The following SLC25A13 variants were observed in gnomAD, a reference collection of about 807,000 sequenced individuals.
SLC25A13 encodes the protein solute carrier family 25 member 13, also known as electrogenic aspartate/glutamate antiporter SLC25A13, mitochondrial.
A neutral mutation model predicts 85.5 loss-of-function variants in SLC25A13; 70 were observed. The ratio of observed to expected loss-of-function variants is 0.82; its 90% confidence interval spans 0.68 to 1.00. The LOEUF (loss-of-function observed/expected upper bound fraction) is 1.00. Ranked by LOEUF, SLC25A13 falls within the 50% of genes least tolerant of loss-of-function variation. The pLI is 0.00. For missense variants in SLC25A13, 765 were observed against 819.8 expected (o/e 0.93, Z 0.82); for synonymous variants, 259 against 288.7 (o/e 0.90, Z 1.04).
intron 1 of SLC25A13, among the ~76,000 whole-genome samples, chr7:96,307,658 C>T (rs902897232): frequency 6.6e-6 from 1 of 152,014 alleles, no homozygotes; most frequent in African/African-American, 2.4e-5. Context: ...ATGATTACTA[C>T]TGGCTAGATA....
intron 4 of SLC25A13, among the ~76,000 whole-genome samples, chr7:96,230,024 C>T (rs1796478584): frequency 6.6e-6 from 1 of 152,036 alleles, no homozygotes; most frequent in African/African-American, 2.4e-5. Context: ...CTATACACAC[C>T]AAAAAATATG....
In SLC25A13 at chr7:96,121,147, T is replaced by C. The variant is rs1791481993; in HGVS notation, c.*44A>G. On this transcript the variant is annotated 3_prime_UTR_variant, in exon 18 of 18. Transcript: ENST00000265631. ...CATTCCCAGGAGGGATGTTCTTTACTGCAGTACCCACAAAAAGACAGCACT... is the reference window on the plus strand; with the variant it reads ...CATTCCCAGGAGGGATGTTCTTTACCGCAGTACCCACAAAAAGACAGCACT... 1 of 1,596,640 alleles carries C rather than the reference T, an allele frequency of 6.3e-7. No individual in the cohort carries two copies. Among genetic ancestry groups the C allele is most frequent in the South Asian group, 1.1e-5 (1 of 90,706 alleles).
chr7:96,155,095 A>G (rs3823952), intron 13 of SLC25A13, among the ~76,000 whole-genome samples: 74,888 of 151,978 alleles, frequency 0.49, 19,668 homozygotes, highest in African/African-American at 0.69. Flanking sequence ...CCACTGTACC[A>G]GGCCCAGCTT....
intron 5 of SLC25A13, among the ~76,000 whole-genome samples, chr7:96,195,075 C>A (rs768246194): frequency 6.6e-6 from 1 of 152,154 alleles, no homozygotes; most frequent in Non-Finnish European, 1.5e-5. Context: ...TTCTTAAAAG[C>A]TAAGGCTTAA....
chr7:96,138,912 C>T lies in SLC25A13; in HGVS notation c.1453-7031G>A, dbSNP rs1584359453. ...TTTCAAGCCATCTCCTTTTAATTTGCTATTCTAAAGTTCAAAGCAGAAGAC... is the reference window on the plus strand; with the variant it reads ...TTTCAAGCCATCTCCTTTTAATTTGTTATTCTAAAGTTCAAAGCAGAAGAC... On this transcript the variant is annotated intron_variant, in intron 14 of 17. Coordinates refer to ENST00000265631, the MANE Select transcript of SLC25A13 (RefSeq NM_014251.3). Among the ~76,000 whole-genome samples the T allele has an allele frequency of 3.3e-5, 5 of 152,226 alleles. No homozygotes were observed. In the South Asian group the frequency reaches 1.0e-3, roughly 32 times the overall value.
chr7:96,205,236 C>G (rs1795415389), intron 5 of SLC25A13, among the ~76,000 whole-genome samples: 2 of 152,220 alleles, frequency 1.3e-5, no homozygotes, highest in South Asian at 4.2e-4. Flanking sequence ...ATTACAGTTC[C>G]ATCAGATTAG....
chr7:96,178,684 T>C (rs1056011748), intron 11 of SLC25A13, among the ~76,000 whole-genome samples: 1 of 152,158 alleles, frequency 6.6e-6, no homozygotes, highest in Non-Finnish European at 1.5e-5. Flanking sequence ...ATTCTGCAGC[T>C]ATCAGCACTT....
chr7:96,226,682 A>AG (rs1796339658), intron 4 of SLC25A13, among the ~76,000 whole-genome samples: 1 of 152,148 alleles, frequency 6.6e-6, no homozygotes, highest in Non-Finnish European at 1.5e-5. Context: ...AGAAAGAAAA[A>AG]GAAAACTATG....
intron 5 of SLC25A13, among the ~76,000 whole-genome samples, chr7:96,206,187 G>C (rs1795456123): frequency 6.6e-6 from 1 of 152,170 alleles, no homozygotes; most frequent in African/African-American, 2.4e-5. Context: ...GTAGCAGCAT[G>C]CACAGTGGCA....
Position 96,146,665 on chromosome 7 carries a change from G to T in SLC25A13, c.1343C>A (p.Pro448His). Residue 448 changes from proline to histidine, a missense_variant, in exon 14 of 18, where the codon CCT (proline) becomes CAT (histidine). Pro to His is a moderately conservative substitution (Grantham distance 77). Coordinates refer to ENST00000265631, the MANE Select transcript of SLC25A13 (RefSeq NM_014251.3). ...CAAACGGATCTTGACGATTTCTAAA[G>T]GATTTGTGAAAATCACCTGGGAGCC... ...AGGSQVIFTN[P>H]LEIVKIRLQV... The T allele has an allele frequency of 1.2e-6, 2 of 1,614,000 alleles. No homozygotes were observed. Among genetic ancestry groups the T allele is most frequent in the Non-Finnish European group, 1.7e-6 (2 of 1,179,992 alleles).
intron 2 of SLC25A13, among the ~76,000 whole-genome samples, chr7:96,294,300 G>A: frequency 6.6e-6 from 1 of 151,872 alleles, no homozygotes; most frequent in Non-Finnish European, 1.5e-5. Context: ...GGAGGAGGGA[G>A]GGATAGCATT....
intron 2 of SLC25A13, 49 bp from the exon 3 acceptor site, chr7:96,277,387 G>A (rs1456950121): frequency 2.6e-6 from 4 of 1,531,692 alleles, no homozygotes; most frequent in Non-Finnish European, 3.6e-6. Flanking sequence ...ATTTTCAACA[G>A]TATATAATCA....
intron 9 of SLC25A13, among the ~76,000 whole-genome samples, chr7:96,187,904 C>T (rs1285653349): frequency 1.3e-5 from 2 of 152,166 alleles, no homozygotes; most frequent in Non-Finnish European, 2.9e-5. Context: ...TTGTGAATTG[C>T]TCTAAACCTC....
chr7:96,261,745 T>C (rs137869817), intron 3 of SLC25A13, among the ~76,000 whole-genome samples: 2 of 152,334 alleles, frequency 1.3e-5, no homozygotes, highest in African/African-American at 4.8e-5. Flanking sequence ...CAGAATTACC[T>C]GAGACTGAGT....
chr7:96,288,448 G>C (rs1351704366), intron 2 of SLC25A13, among the ~76,000 whole-genome samples: 4 of 152,210 alleles, frequency 2.6e-5, no homozygotes, highest in African/African-American at 9.6e-5. Context: ...AGCCCACCAA[G>C]TGTGAGCCGA....
intron 1 of SLC25A13, among the ~76,000 whole-genome samples, chr7:96,321,175 A>T (rs1390140311): frequency 6.6e-6 from 1 of 152,228 alleles, no homozygotes; most frequent in Non-Finnish European, 1.5e-5. Context: ...CAAGTGTTGG[A>T]GTTGCCTTTC....
At chr7:96,138,486 C>G (rs147864774) in intron 14 of SLC25A13, among the ~76,000 whole-genome samples, 1 of 151,634 alleles carries the variant, frequency 6.6e-6, no homozygotes, top group African/African-American at 2.4e-5. Flanking sequence ...GCCTTGACCC[C>G]CTGGGCTCAA....
Position 96,208,828 on chromosome 7 carries a change from C to A in SLC25A13, c.468+10G>T. Reference sequence around the variant, plus strand: ...CCATACCCTTTTAACTTTTTAAGAGCTAGACCCACCAATAAAAACTGAGTA... The same window carrying A: ...CCATACCCTTTTAACTTTTTAAGAGATAGACCCACCAATAAAAACTGAGTA... On this transcript the variant is annotated intron_variant, in intron 5 of 17. Coordinates refer to ENST00000265631, the MANE Select transcript of SLC25A13 (RefSeq NM_014251.3). 6.2e-7 allele frequency: 1 copy of A among 1,613,782 alleles called. No homozygotes were observed. The highest frequency in any genetic ancestry group is 8.5e-7 in the Non-Finnish European group (1 of 1,179,854).
intron 2 of SLC25A13, among the ~76,000 whole-genome samples, chr7:96,278,209 G>A (rs761978086): frequency 7.2e-5 from 11 of 152,206 alleles, no homozygotes; most frequent in Admixed American, 1.3e-4. Flanking sequence ...AGCAGGAGAC[G>A]GCCTCTTGAT....
Sources: gnomAD v4.1 joint callset for allele counts (sites outside exome capture counted in the v4.1 genomes callset) on GRCh38, gnomAD v4.1.1 for gene constraint, MANE v1.5 for transcripts, NCBI Gene and HGNC (gene_info 2026-07-23, HGNC 2026-07-21) for gene names.